LMAN1L: variants seen among roughly 807,000 people sequenced by gnomAD.
LMAN1L encodes lectin, mannose binding 1 like.
LMAN1L carries 60 observed loss-of-function variants against 58.3 expected under a neutral mutation model. The observed-to-expected ratio is 1.03, with a 90% CI of 0.84 to 1.27. The LOEUF is 1.27. LMAN1L is among the 50% of genes most tolerant of loss of function. The pLI is 0.00. For missense variants in LMAN1L, 629 were observed against 674.0 expected (o/e 0.93, Z 0.74); for synonymous variants, 280 against 271.6 (o/e 1.03, Z -0.31).
chr15:74,816,406 T>C, intron 2 of LMAN1L, 21 bp from the exon 3 acceptor site: 2 of 1,572,338 alleles, frequency 1.3e-6, no homozygotes, highest in Non-Finnish European at 1.7e-6. Context: ...TTCCCTGAGC[T>C]GAGGGGCTGG....
At chr15:74,815,958 G>A (rs1401952136) in intron 1 of LMAN1L, among the ~76,000 whole-genome samples, 199 bp from the exon 2 acceptor site, 1 of 152,224 alleles carries the variant, frequency 6.6e-6, no homozygotes, top group Non-Finnish European at 1.5e-5. Context: ...GATGGTGCTG[G>A]CATTCATTGC....
rs775290876 is a variant in LMAN1L at position 74,823,678 on chromosome 15, C to T, written c.1319C>T (p.Pro440Leu). The T allele has an allele frequency of 2.6e-5, 42 of 1,612,968 alleles. No homozygotes were observed. The East Asian group carries it at 6.9e-4, about 27-fold the overall frequency. The change falls in exon 12 of 14, where the codon CCG (proline) becomes CTG (leucine). Residue 440 changes from proline (P) to leucine (L), a missense_variant. Pro to Leu is a moderately conservative substitution (Grantham distance 98). This residue lies in a region of LMAN1L where 573 missense variants were observed against 597.3 expected (regional missense o/e 0.96). Coordinates refer to ENST00000309664, the MANE Select transcript of LMAN1L (RefSeq NM_021819.3). Reference sequence around the variant, plus strand: ...CTCCTGCAGGAGGAGCTTCGGGGCCCGGCGGTGAGGGGAAAGTAGTGGGCA... The same window carrying T: ...CTCCTGCAGGAGGAGCTTCGGGGCCTGGCGGTGAGGGGAAAGTAGTGGGCA... ...LGLLQEELRG[P>L]AKAAAKAPRP...
At chr15:74,819,395 A>T in intron 6 of LMAN1L, 123 bp downstream of exon 6, 2 of 1,290,906 alleles carry the variant, frequency 1.5e-6, no homozygotes, top group Non-Finnish European at 2.1e-6. Context: ...GGCTTCTGTG[A>T]CCCTTGGGAG....
intron 6 of LMAN1L, 165 bp downstream of exon 6, chr15:74,819,437 C>T: frequency 2.3e-6 from 2 of 853,086 alleles, no homozygotes. Context: ...TTGCAAGTCT[C>T]AAATGGGATA....
Position 74,825,713 on chromosome 15 carries a change from C to G in LMAN1L, c.*108C>G. The stretch of plus-strand genomic sequence containing the variant: ...TGCCCAGCTCCCACGCACACCTGAG[C>G]TTTCGGCATGCTCCCACCTCGTTAA... On this transcript the variant is annotated 3_prime_UTR_variant, in exon 14 of 14. Transcript: ENST00000309664. The G allele has an allele frequency of 9.0e-7, 1 of 1,110,144 alleles. No homozygotes were observed. Among genetic ancestry groups the G allele is most frequent in the Non-Finnish European group, 1.3e-6 (1 of 768,684 alleles). The allele number at this position is 1,110,144 out of a possible 1,614,324, so 68.8% of individuals were successfully genotyped here.
chr15:74,816,280 C>A lies in LMAN1L; in HGVS notation c.299C>A (p.Thr100Lys). ...AWEVEVQMRV[T>K]GLGRRGAQGM... Reference sequence around the variant, plus strand: ...GAAGTAGAGGTGCAGATGAGGGTGACGGGACTGGGGCGCCGGGGAGCCCAG... The same window carrying A: ...GAAGTAGAGGTGCAGATGAGGGTGAAGGGACTGGGGCGCCGGGGAGCCCAG... Residue 100 changes from threonine to lysine, a missense_variant, in exon 2 of 14, where the codon ACG becomes AAG. Thr to Lys is a moderately conservative substitution (Grantham distance 78). Transcript: ENST00000309664. 6.2e-7 allele frequency: 1 copy of A among 1,612,054 alleles called. No homozygotes were observed. Among genetic ancestry groups the A allele is most frequent in the Non-Finnish European group, 8.5e-7 (1 of 1,179,474 alleles).
chr15:74,825,357 C>T (rs1158383497), intron 13 of LMAN1L, 119 bp from the exon 14 acceptor site: 8 of 1,132,002 alleles, frequency 7.1e-6, no homozygotes, highest in Admixed American at 2.1e-5. Flanking sequence ...CACAGAAAGT[C>T]CAAGAACAGC....
At chr15:74,822,061 G>A (rs938283605) in intron 10 of LMAN1L, among the ~76,000 whole-genome samples, 161 bp downstream of exon 10, 3 of 152,168 alleles carry the variant, frequency 2.0e-5, no homozygotes, top group South Asian at 2.1e-4. Context: ...GGTGGCTCAC[G>A]CGTGTAATCC....
In LMAN1L at chr15:74,812,973, A is replaced by G. The variant is rs527417978; in HGVS notation, c.119A>G (p.Lys40Arg). 207 of 1,614,028 alleles carry G rather than the reference A, an allele frequency of 1.3e-4. No individual in the cohort carries two copies. The South Asian group carries it at 2.1e-3, about 17-fold the overall frequency. The change falls in exon 1 of 14, where the codon AAA (lysine) becomes AGA (arginine). Residue 40 changes from lysine to arginine, a missense_variant. By Grantham distance (26) the Lys-to-Arg change is conservative. Transcript: ENST00000309664. ...LRRFEYKLSF[K>R]GPRLALPGAG... ...AGGTTTGAGTACAAGCTCAGCTTCA[A>G]AGGCCCAAGGCTGGCATTGCCTGGG...
chr15:74,818,703 A>C lies in LMAN1L; in HGVS notation c.498-15A>C. 1 of 1,589,388 alleles carries C rather than the reference A, an allele frequency of 6.3e-7. No individual in the cohort carries two copies. ...CTCTTTCTCAAAAACAAACAAATGA[A>C]CAAACTGCCCACAGGGATGGAGCTA... On this transcript the variant is annotated splice_polypyrimidine_tract_variant and intron_variant, in intron 4 of 13. Transcript: ENST00000309664.
intron 5 of LMAN1L, 130 bp downstream of exon 5, chr15:74,818,947 C>T: frequency 1.0e-6 from 1 of 990,382 alleles, no homozygotes; most frequent in Non-Finnish European, 1.5e-6. Flanking sequence ...CCAACATCCA[C>T]AGGGGATCCT....
chr15:74,813,314 A>G, intron 1 of LMAN1L: 3 of 554,402 alleles, frequency 5.4e-6, no homozygotes, highest in Non-Finnish European at 1.0e-5. Flanking sequence ...CCCTTCCTCT[A>G]CCTCTGACCT....
At position 74,821,119 on chromosome 15, in the gene LMAN1L, C is replaced by G. The variant is rs138585415; in HGVS notation, c.952C>G (p.Arg318Gly). The G allele has an allele frequency of 1.2e-4, 194 of 1,569,076 alleles. No homozygotes were observed. Among genetic ancestry groups the G allele is most frequent in the Admixed American group, 1.5e-4 (8 of 53,168 alleles). ...DLEETLGRHR[R>G]ILQALRGLSK... ...GGAGGAGACGCTGGGCAGACACCGC[C>G]GGATCCTGCAGGCTCTGCGGGGTCT... The change falls in exon 9 of 14, where the codon CGG (arginine) becomes GGG (glycine). Residue 318 changes from arginine to glycine, a missense_variant. Arg to Gly is a moderately radical substitution (Grantham distance 125, BLOSUM62 -2). Around this residue, in one of 3 missense-constraint regions of LMAN1L, gnomAD observed 573 missense variants for 597.3 expected, o/e 0.96. Coordinates refer to ENST00000309664, the MANE Select transcript of LMAN1L (RefSeq NM_021819.3).
chr15:74,818,687 A>G lies in LMAN1L; in HGVS notation c.498-31A>G. On this transcript the variant is annotated intron_variant, in intron 4 of 13. Coordinates refer to ENST00000309664, the MANE Select transcript of LMAN1L (RefSeq NM_021819.3). ...CCAGCCTGGGCAGCGACTCTTTCTC[A>G]AAAACAAACAAATGAACAAACTGCC... 3 of 1,549,322 alleles carry G rather than the reference A, an allele frequency of 1.9e-6. No individual in the cohort carries two copies. The East Asian group carries it at 7.0e-5, about 36-fold the overall frequency.
chr15:74,824,715 A>T, intron 13 of LMAN1L: 2 of 466,446 alleles, frequency 4.3e-6, no homozygotes, highest in Non-Finnish European at 7.6e-6. Flanking sequence ...CACAGGTCTA[A>T]CTGACCCTGT....
At chr15:74,819,117 A>AC (rs768644368) in intron 5 of LMAN1L, 35 bp from the exon 6 acceptor site, 64 of 1,568,516 alleles carry the variant, frequency 4.1e-5, no homozygotes, top group African/African-American at 6.8e-5. Context: ...AGGTAGGGAC[A>AC]CCCCCCCACT....
intron 1 of LMAN1L, 41 bp downstream of exon 1, chr15:74,813,070 T>C (rs1378192645): frequency 6.3e-7 from 1 of 1,578,556 alleles, no homozygotes; most frequent in South Asian, 1.2e-5. Flanking sequence ...CCAGGGTCCC[T>C]CAAAGTGCTG....
In LMAN1L at chr15:74,821,155, C is replaced by T. The variant is rs1779042735; in HGVS notation, c.988C>T (p.Leu330=). The part of the protein sequence containing the change: ...LQALRGLSKQ[L]AQAERQWKKQ... ...GGCTCTGCGGGGTCTCTCCAAGCAGCTGGCCCAGGCTGAGAGACAATGGAA... is the reference window on the plus strand; with the variant it reads ...GGCTCTGCGGGGTCTCTCCAAGCAGTTGGCCCAGGCTGAGAGACAATGGAA... The change falls in exon 9 of 14, where the codon CTG becomes TTG. Residue 330 remains leucine (L), a synonymous_variant. Transcript: ENST00000309664. The T allele has an allele frequency of 6.4e-7, 1 of 1,554,008 alleles. No homozygotes were observed. The highest frequency in any genetic ancestry group is 8.7e-7 in the Non-Finnish European group (1 of 1,148,924).
Position 74,813,010 on chromosome 15 carries a change from C to G in LMAN1L, c.156C>G (p.Pro52=). 3 of 1,613,222 alleles carry G rather than the reference C, an allele frequency of 1.9e-6. No homozygotes were observed. Among genetic ancestry groups the G allele is most frequent in the Non-Finnish European group, 2.5e-6 (3 of 1,179,582 alleles). The part of the protein sequence containing the change: ...PRLALPGAGI[P]FWSHHGDAIL... ...TGGCATTGCCTGGGGCTGGAATACC[C>G]TTCTGGAGCCATCATGGAGGTGAGG... The change falls in exon 1 of 14, where the codon CCC becomes CCG. Residue 52 remains proline (P), a synonymous_variant. Transcript: ENST00000309664.
Sources: allele counts gnomAD v4.1 joint callset (sites outside exome capture counted in the v4.1 genomes callset), GRCh38; gene constraint gnomAD v4.1.1; regional missense constraint gnomAD v4.1.1; transcripts MANE v1.5; gene names NCBI Gene and HGNC (gene_info 2026-07-23, HGNC 2026-07-21).